The following CADM2 variants were observed in gnomAD, a reference collection of about 807,000 sequenced individuals.
The protein encoded by CADM2 is immunoglobulin superfamily member 4D.
A neutral mutation model predicts 49.8 loss-of-function variants in CADM2; 12 were observed. That is an observed-to-expected ratio of 0.24 (90% CI 0.15 to 0.39). The LOEUF (loss-of-function observed/expected upper bound fraction) is 0.39, where lower values mean the gene tolerates loss of function less well. Among genes scored for constraint, CADM2 ranks in the 10% least tolerant of loss-of-function variants. The pLI is 1.00. For missense variants in CADM2, 378 were observed against 492.3 expected (o/e 0.77, Z 2.20); for synonymous variants, 214 against 175.4 (o/e 1.22, Z -1.74).
intron 1 of CADM2, among the ~76,000 whole-genome samples, chr3:85,645,948 A>G (rs1171254689): frequency 6.6e-6 from 1 of 152,078 alleles, no homozygotes; most frequent in African/African-American, 2.4e-5. Context: ...CTCTTTTAGA[A>G]ATGTATTTGA....
chr3:85,936,012 A>G lies in CADM2; in HGVS notation c.791+155A>G, dbSNP rs115420401. ...AACCTCATGAACCATGTCTTCATTA[A>G]GGTCTATGGAAGATTGGTTTTTACT... On this transcript the variant is annotated intron_variant, in intron 7 of 9. Coordinates refer to ENST00000383699, the MANE Select transcript of CADM2 (RefSeq NM_001167675.2). 9.4e-3 allele frequency among the ~76,000 whole-genome samples: 1,433 copies of G among 151,876 alleles called. 13 individuals carry two copies. The highest frequency in any genetic ancestry group is 0.016 in the Non-Finnish European group (1,057 of 67,828).
intron 2 of CADM2, among the ~76,000 whole-genome samples, chr3:85,728,915 A>G (rs939667867): frequency 1.3e-5 from 2 of 152,228 alleles, no homozygotes; most frequent in Non-Finnish European, 2.9e-5. Context: ...TAGTAATAGC[A>G]TAGGAAATTA....
chr3:85,830,293 A>G (rs1027390083), intron 3 of CADM2, among the ~76,000 whole-genome samples: 1 of 151,888 alleles, frequency 6.6e-6, no homozygotes, highest in African/African-American at 2.4e-5. Flanking sequence ...ACGTTTTCAT[A>G]TACCTTTTGG....
rs1482648574 is a variant in CADM2, at chr3:85,099,759, C to T, written c.61+140091C>T. 2.6e-5 allele frequency among the ~76,000 whole-genome samples: 4 copies of T among 151,580 alleles called. No individual in the cohort carries two copies. The East Asian group carries it at 7.8e-4, about 29-fold the overall frequency. On this transcript the variant is annotated intron_variant, in intron 1 of 9. Coordinates refer to ENST00000383699, the MANE Select transcript of CADM2 (RefSeq NM_001167675.2). Reference sequence around the variant, plus strand: ...TGCTGGGATTACAGGCATGAGCCACCGCGCCTGGCCTCTTGTAATTTGTTT... The same window carrying T: ...TGCTGGGATTACAGGCATGAGCCACTGCGCCTGGCCTCTTGTAATTTGTTT...
chr3:85,055,924 A>T (rs904554879), intron 1 of CADM2, among the ~76,000 whole-genome samples: 3 of 151,882 alleles, frequency 2.0e-5, no homozygotes, highest in African/African-American at 7.3e-5. Flanking sequence ...GAGAAGCACC[A>T]CTCTATTTAC....
intron 3 of CADM2, among the ~76,000 whole-genome samples, chr3:85,857,761 T>A (rs2075371458): frequency 6.6e-6 from 1 of 152,224 alleles, no homozygotes; most frequent in African/African-American, 2.4e-5. Flanking sequence ...TATGAGAAGC[T>A]GTTGGTGTCA....
intron 1 of CADM2, among the ~76,000 whole-genome samples, chr3:85,044,836 G>C (rs916633669): frequency 1.4e-5 from 2 of 139,818 alleles, no homozygotes; most frequent in African/African-American, 5.4e-5. Context: ...TCAACTGATA[G>C]AGAGCCAGCT....
intron 7 of CADM2, among the ~76,000 whole-genome samples, chr3:85,944,935 A>C (rs1722462668): frequency 6.6e-6 from 1 of 152,114 alleles, no homozygotes; most frequent in Admixed American, 6.6e-5. Flanking sequence ...ATCAGAGCAG[A>C]ACTGAAGGAA....
In CADM2 at chr3:85,523,410, A is replaced by G. The variant is rs544413781; in HGVS notation, c.62-203112A>G. 5.3e-5 allele frequency among the ~76,000 whole-genome samples: 8 copies of G among 152,276 alleles called. No homozygotes were observed. In the South Asian group the frequency reaches 1.4e-3, roughly 28 times the overall value. ...CATTTGTAAAAATTCGTTAATAAAC[A>G]TAACTCAAGGCAGTTTGAACAGGAA... is the stretch of plus-strand genomic sequence containing the variant. On this transcript the variant is annotated intron_variant, in intron 1 of 9. Coordinates refer to ENST00000383699, the MANE Select transcript of CADM2 (RefSeq NM_001167675.2).
chr3:85,294,052 C>T (rs1052291528), intron 1 of CADM2, among the ~76,000 whole-genome samples: 7 of 151,594 alleles, frequency 4.6e-5, no homozygotes, highest in African/African-American at 1.5e-4. Context: ...ATTGTCTCAG[C>T]CCAACATCTT....
rs1739736672 is a variant in CADM2, at chr3:86,070,214, A to G, written c.*3431A>G. 1 of 151,968 alleles carries G rather than the reference A, an allele frequency of 6.6e-6. No individual in the cohort carries two copies. Among genetic ancestry groups the G allele is most frequent in the Non-Finnish European group, 1.5e-5 (1 of 67,876 alleles). The allele number at this position is 151,968 out of a possible 1,614,324, so 9.4% of individuals were successfully genotyped here. A position where few individuals can be genotyped will look rare whatever the true frequency, so the allele number is the denominator to read the frequency against. ...AATATGGCAAAGAAACTAACACCTCATTTATTTTTATTTCTTTGTAAAAAT... is the reference window on the plus strand; with the variant it reads ...AATATGGCAAAGAAACTAACACCTCGTTTATTTTTATTTCTTTGTAAAAAT... On this transcript the variant is annotated 3_prime_UTR_variant, in exon 10 of 10. Transcript: ENST00000383699.
intron 1 of CADM2, among the ~76,000 whole-genome samples, chr3:85,721,666 C>T (rs536385876): frequency 3.9e-5 from 6 of 152,276 alleles, no homozygotes; most frequent in East Asian, 1.9e-4. Context: ...CAGCTGGCAC[C>T]GGGAACCAAG....
intron 2 of CADM2, among the ~76,000 whole-genome samples, chr3:85,744,185 A>G (rs1449137455): frequency 1.3e-5 from 2 of 152,138 alleles, no homozygotes; most frequent in Non-Finnish European, 2.9e-5. Flanking sequence ...GGAGAGTACA[A>G]TGATGGTTAC....
At chr3:85,445,732 A>G (rs1424566801) in intron 1 of CADM2, among the ~76,000 whole-genome samples, 1 of 152,120 alleles carries the variant, frequency 6.6e-6, no homozygotes, top group Non-Finnish European at 1.5e-5. Flanking sequence ...TTACTCTGCA[A>G]TTTGATAAAG....
At chr3:85,797,873 C>T (rs750665115) in intron 2 of CADM2, among the ~76,000 whole-genome samples, 7 of 152,200 alleles carry the variant, frequency 4.6e-5, no homozygotes, top group Non-Finnish European at 8.8e-5. Context: ...TCTACTCCCA[C>T]CAACAGTGAA....
chr3:85,647,955 C>T (rs2064936726), intron 1 of CADM2, among the ~76,000 whole-genome samples: 1 of 151,748 alleles, frequency 6.6e-6, no homozygotes, highest in Non-Finnish European at 1.5e-5. Context: ...TCCATGTATC[C>T]CATCTATGTT....
At chr3:85,758,157 C>T (rs997963065) in intron 2 of CADM2, among the ~76,000 whole-genome samples, 44 of 152,202 alleles carry the variant, frequency 2.9e-4, no homozygotes, top group African/African-American at 1.0e-3. Context: ...CGTAAATTAG[C>T]ACCAGGTTGG....
chr3:85,865,501 G>A (rs1487471474), intron 3 of CADM2, among the ~76,000 whole-genome samples: 3 of 152,134 alleles, frequency 2.0e-5, no homozygotes, highest in Admixed American at 6.6e-5. Context: ...AGTTTTTCTT[G>A]ATGGAATGAG....
At chr3:85,691,821 T>C (rs1303549021) in intron 1 of CADM2, among the ~76,000 whole-genome samples, 2 of 152,208 alleles carry the variant, frequency 1.3e-5, no homozygotes, top group Non-Finnish European at 2.9e-5. Context: ...TCATGTCCTT[T>C]GTAGGGACAT....
Sources: gnomAD v4.1 joint callset for allele counts (sites outside exome capture counted in the v4.1 genomes callset) on GRCh38, gnomAD v4.1.1 for gene constraint, MANE v1.5 for transcripts, NCBI Gene and HGNC (gene_info 2026-07-23, HGNC 2026-07-21) for gene names.